Variants in RBM17 observed in about 807,000 individuals in gnomAD.
The protein encoded by RBM17 is splicing factor 45.
Under a neutral mutation model 53.2 loss-of-function variants are expected in RBM17, and 7 were observed. The observed-to-expected ratio is 0.13, with a 90% confidence interval of 0.07 to 0.25. The LOEUF (loss-of-function observed/expected upper bound fraction) is 0.25, where lower values mean the gene tolerates loss of function less well. Ranked by LOEUF, RBM17 falls within the 10% of genes least tolerant of loss-of-function variation. The pLI is 1.00. For synonymous variants in RBM17, 167 were observed against 178.1 expected, an observed-to-expected ratio of 0.94 and a Z score of 0.50; for missense variants, 257 against 496.7, an observed-to-expected ratio of 0.52 and a Z score of 4.59.
At chr10:6,108,505 T>C (rs150719457) in intron 5 of RBM17, 181 bp from the exon 6 acceptor site, 74 of 495,978 alleles carry the variant, frequency 1.5e-4, no homozygotes, top group Non-Finnish European at 2.6e-4. Context: ...GCCACTTTTC[T>C]ACATTTTAAA....
At chr10:6,101,951 T>G (rs1340069039) in intron 3 of RBM17, among the ~76,000 whole-genome samples, 6 of 152,236 alleles carry the variant, frequency 3.9e-5, no homozygotes, top group African/African-American at 1.4e-4. Flanking sequence ...TCCAGTGATT[T>G]TACATATGCT....
At chr10:6,097,326 A>G in intron 2 of RBM17, 138 bp downstream of exon 2, 1 of 861,780 alleles carries the variant, frequency 1.2e-6, no homozygotes, top group Non-Finnish European at 1.8e-6. Context: ...GGGGAGAGGA[A>G]TGAGGAGTTT....
chr10:6,094,260 G>A (rs1044062598), intron 1 of RBM17, among the ~76,000 whole-genome samples: 4 of 152,132 alleles, frequency 2.6e-5, no homozygotes, highest in Non-Finnish European at 4.4e-5. Flanking sequence ...TTAGAGGTGC[G>A]AGACACCGCA....
At chr10:6,098,692 C>T (rs542779126) in intron 2 of RBM17, among the ~76,000 whole-genome samples, 14 of 148,682 alleles carry the variant, frequency 9.4e-5, no homozygotes, top group Admixed American at 6.9e-4. Flanking sequence ...TCTCCTGTCT[C>T]AGCCTCCTGA....
intron 6 of RBM17, 146 bp from the exon 7 acceptor site, chr10:6,109,840 G>T (rs867512334): frequency 3.3e-5 from 19 of 569,034 alleles, no homozygotes; most frequent in Non-Finnish European, 4.4e-5. Flanking sequence ...TCGTATAAAG[G>T]CTGTAAAATT....
chr10:6,098,557 T>TTTTTG (rs1840615037), intron 2 of RBM17, among the ~76,000 whole-genome samples: 1 of 34,128 alleles, frequency 2.9e-5, no homozygotes, highest in Admixed American at 2.1e-4. Flanking sequence ...AATACACAGG[T>TTTTTG]TTTTTGTTTT....
chr10:6,112,368 C>A lies in RBM17; in HGVS notation c.856+7C>A. ...GGCGACGCCACAGAGAAAGGTGTGT[C>A]CCCAGGGAAGCGTGTGACTAGAGGG... On this transcript the variant is annotated splice_region_variant and intron_variant, in intron 8 of 11. Transcript: ENST00000379888. This position sits in a 1 kb window ranked among gnomAD's most constrained non-coding sequence, Gnocchi z 4.4. 1 of 1,613,648 alleles carries A rather than the reference C, an allele frequency of 6.2e-7. No homozygotes were observed. Among genetic ancestry groups the A allele is most frequent in the Non-Finnish European group, 8.5e-7 (1 of 1,179,884 alleles).
chr10:6,113,355 C>G, intron 8 of RBM17, 153 bp from the exon 9 acceptor site: 2 of 568,084 alleles, frequency 3.5e-6, no homozygotes, highest in Non-Finnish European at 3.1e-6. Context: ...TGTGTTTTCG[C>G]TCAGAGACCA....
At chr10:6,108,848 G>A in intron 6 of RBM17, 106 bp downstream of exon 6, 6 of 745,530 alleles carry the variant, frequency 8.0e-6, no homozygotes, top group Non-Finnish European at 1.3e-5. Context: ...GAGGGAAACG[G>A]CCTGCAAGCC....
At position 6,115,766 on chromosome 10, in the gene RBM17, C is replaced by G. The variant is rs1012069059; in HGVS notation, c.*210C>G. 2.5e-6 allele frequency: 1 copy of G among 398,702 alleles called. No homozygotes were observed. Among genetic ancestry groups the G allele is most frequent in the Admixed American group, 4.1e-5 (1 of 24,378 alleles). 24.7% of individuals were successfully genotyped at this position (398,702 alleles called of 1,614,324 possible). Reference sequence around the variant, plus strand: ...TTTAAAAAAACAACAATCTGTGTGCCTCTCTGGTTGTTTCTCTTTTTTATT... The same window carrying G: ...TTTAAAAAAACAACAATCTGTGTGCGTCTCTGGTTGTTTCTCTTTTTTATT... On this transcript the variant is annotated 3_prime_UTR_variant, in exon 12 of 12. Transcript: ENST00000379888.
intron 1 of RBM17, 84 bp from the exon 2 acceptor site, chr10:6,096,964 C>G: frequency 7.2e-7 from 1 of 1,385,656 alleles, no homozygotes; most frequent in Non-Finnish European, 9.9e-7. Flanking sequence ...CCTTTTACCT[C>G]TAAAATTTCA....
At chr10:6,097,420 T>C (rs1010781602) in intron 2 of RBM17, among the ~76,000 whole-genome samples, 2 of 152,156 alleles carry the variant, frequency 1.3e-5, no homozygotes, top group African/African-American at 4.8e-5. Flanking sequence ...CTGCGGGGGC[T>C]GGGCGCAGTG....
Position 6,112,539 on chromosome 10 carries a change from A to G in RBM17, c.856+178A>G, listed in dbSNP as rs1396285579. ...CGTCCTGTTCATATGATGCACTGCC[A>G]CTTCCGTTTTGTGAAACCAGGAATC... is the stretch of plus-strand genomic sequence containing the variant. On this transcript the variant is annotated intron_variant, in intron 8 of 11. Coordinates refer to ENST00000379888, the MANE Select transcript of RBM17 (RefSeq NM_032905.5). The surrounding 1 kb of genome is among the most constrained non-coding windows in gnomAD (Gnocchi z 4.4). 2.9e-6 allele frequency: 2 copies of G among 682,636 alleles called. No homozygotes were observed. Among genetic ancestry groups the G allele is most frequent in the African/African-American group, 3.6e-5 (2 of 55,338 alleles). The allele number at this position is 682,636 out of a possible 1,614,324, so 42.3% of individuals were successfully genotyped here. A position where few individuals can be genotyped will look rare whatever the true frequency, so the allele number is the denominator to read the frequency against.
chr10:6,092,203 C>T (rs1020194736), intron 1 of RBM17, among the ~76,000 whole-genome samples: 6 of 152,140 alleles, frequency 3.9e-5, no homozygotes, highest in Non-Finnish European at 8.8e-5. Context: ...TATGGTATAT[C>T]CAGTTGTTAC....
intron 3 of RBM17, 84 bp downstream of exon 3, chr10:6,101,471 G>A: frequency 1.5e-6 from 1 of 687,204 alleles, no homozygotes; most frequent in Admixed American, 2.9e-5. Flanking sequence ...CTTAACAGAT[G>A]GCCTCCTTGG....
chr10:6,108,816 G>A, intron 6 of RBM17, 74 bp downstream of exon 6: 1 of 1,212,524 alleles, frequency 8.2e-7, no homozygotes, highest in South Asian at 1.3e-5. Context: ...CTCAGCTTGG[G>A]CCCCCAGGTT....
chr10:6,110,182 A>G (rs1205484967), intron 7 of RBM17, 55 bp downstream of exon 7: 11 of 1,496,948 alleles, frequency 7.3e-6, no homozygotes, highest in Non-Finnish European at 8.1e-6. Flanking sequence ...AAGCGTTGAT[A>G]GCCCTTTCAA....
At chr10:6,111,877 G>T (rs866892090) in intron 7 of RBM17, among the ~76,000 whole-genome samples, 3 of 152,140 alleles carry the variant, frequency 2.0e-5, no homozygotes, top group Non-Finnish European at 4.4e-5. Flanking sequence ...ATAAACTGTG[G>T]TCATAAGCTA....
rs1454661381 is a variant in RBM17 at position 6,101,345 on chromosome 10, G to C, written c.198G>C (p.Arg66=). Residue 66 remains arginine, a synonymous_variant, in exon 3 of 12, where the codon CGG becomes CGC. Transcript: ENST00000379888. Reference sequence around the variant, plus strand: ...AGCGAGGTGGCTCCTCAGATGACCGGCAAATTGTGGACACTCCACCGCATG... The same window carrying C: ...AGCGAGGTGGCTCCTCAGATGACCGCCAAATTGTGGACACTCCACCGCATG... ...DLKRGGSSDD[R]QIVDTPPHVA... 2 of 1,613,592 alleles carry C rather than the reference G, an allele frequency of 1.2e-6. No individual in the cohort carries two copies. The highest frequency in any genetic ancestry group is 1.7e-6 in the Non-Finnish European group (2 of 1,179,866).
Sources: allele counts gnomAD v4.1 joint callset (sites outside exome capture counted in the v4.1 genomes callset), GRCh38; gene constraint gnomAD v4.1.1; non-coding constraint Gnocchi (gnomAD v3.1); transcripts MANE v1.5; gene names NCBI Gene and HGNC (gene_info 2026-07-23, HGNC 2026-07-21).